The following SCYGR7 variants were observed in gnomAD, a reference collection of about 807,000 sequenced individuals.
SCYGR7 encodes small cysteine and glycine repeat containing 7.
exon 1 of SCYGR7, chr2:227,728,401 T>TGCG (rs1336871815): frequency 4.9e-6 from 2 of 405,014 alleles, no homozygotes; most frequent in Non-Finnish European, 8.6e-6. Flanking sequence ...CGGTGGTGGC[T>TGCG]GCGGTGGTGG....
At chr2:227,728,607 G>A (rs1354262231) in exon 1 of SCYGR7, 5 of 398,950 alleles carry the variant, frequency 1.3e-5, no homozygotes, top group African/African-American at 2.1e-5. Context: ...GCTGCTGCCA[G>A]AAGCAATGCT....
rs34165984 is a variant in SCYGR7 at position 227,728,349 on chromosome 2, T to G, written c.15T>G (p.Gly5=). Residue 5 remains glycine (G), a synonymous_variant, in exon 1 of 1, where the codon GGT becomes GGG. Transcript: ENST00000641700. Reference sequence around the variant, plus strand: ...TTACTGACACCATGGGTTGCTGTGGTTGTGGAAGTTGTGGTGGCTGCGGTG... The same window carrying G: ...TTACTGACACCATGGGTTGCTGTGGGTGTGGAAGTTGTGGTGGCTGCGGTG... 1.7e-4 allele frequency: 68 copies of G among 404,098 alleles called. 1 individual carries two copies. The South Asian group carries it at 7.6e-3, about 45-fold the overall frequency. The allele number at this position is 404,098 out of a possible 1,614,324, so 25.0% of individuals were successfully genotyped here. A position where few individuals can be genotyped will look rare whatever the true frequency, so the allele number is the denominator to read the frequency against.
At chr2:227,728,552 G>A (rs911451976) in exon 1 of SCYGR7, 6 of 399,000 alleles carry the variant, frequency 1.5e-5, no homozygotes, top group Non-Finnish European at 2.7e-5. Context: ...CGCACCTGCG[G>A]CTCATGTGGC....
exon 1 of SCYGR7, chr2:227,728,476 T>C (rs1696590720): frequency 2.5e-6 from 1 of 399,400 alleles, no homozygotes; most frequent in East Asian, 3.6e-5. Context: ...CTGCTCCAGC[T>C]GCTGCCCCTG....
exon 1 of SCYGR7, chr2:227,728,358 T>TTGTGGTGGCTGCGGTGGTGGC (rs1266374911): frequency 2.0e-5 from 8 of 404,100 alleles, no homozygotes; most frequent in African/African-American, 8.2e-5. Context: ...GTTGTGGAAG[T>TTGTGGTGGCTGCGGTGGTGGC]TGTGGTGGCT....
chr2:227,728,451 C>G (rs966803935), exon 1 of SCYGR7: 39 of 399,846 alleles, frequency 9.8e-5, no homozygotes, highest in Middle Eastern at 6.2e-4. Flanking sequence ...CCTGCAGGTG[C>G]TACCGGGTGG....
chr2:227,728,382 TG>T lies in SCYGR7; in HGVS notation c.50del (p.Gly17ValfsTer48). On this transcript the variant is annotated frameshift_variant, in exon 1 of 1. Transcript: ENST00000641700. LOFTEE classifies it low-confidence loss of function (END_TRUNC). Reference sequence around the variant, plus strand: ...GTTGTGGTGGCTGCGGTGGTGGCTGTGGTGGCTGCGGTGGTGGCTGCGGTGG... The same window carrying T: ...GTTGTGGTGGCTGCGGTGGTGGCTGTGTGGCTGCGGTGGTGGCTGCGGTGG... 2.5e-6 allele frequency: 1 copy of T among 401,390 alleles called. No homozygotes were observed. Among genetic ancestry groups the T allele is most frequent in the Non-Finnish European group, 4.3e-6 (1 of 230,440 alleles). The allele number at this position is 401,390 out of a possible 1,614,324, so 24.9% of individuals were successfully genotyped here.
chr2:227,728,542 C>T (rs1323720805), exon 1 of SCYGR7: 15 of 399,100 alleles, frequency 3.8e-5, no homozygotes, highest in Non-Finnish European at 6.2e-5. Flanking sequence ...CTGCTGCCGC[C>T]GCACCTGCGG....
chr2:227,728,486 G>C, exon 1 of SCYGR7: 1 of 399,522 alleles, frequency 2.5e-6, no homozygotes, highest in Non-Finnish European at 4.4e-6. Context: ...TGCTGCCCCT[G>C]CTGCCGCGGC....
exon 1 of SCYGR7, chr2:227,728,496 C>T (rs944250301): frequency 2.6e-4 from 104 of 399,418 alleles, no homozygotes; most frequent in Non-Finnish European, 4.1e-4. Flanking sequence ...GCTGCCGCGG[C>T]TGCTGTGGGG....
At chr2:227,728,533 T>G (rs1282981713) in exon 1 of SCYGR7, 1 of 399,112 alleles carries the variant, frequency 2.5e-6, no homozygotes, top group Non-Finnish European at 4.4e-6. Context: ...TGTGATCTGC[T>G]GCTGCCGCCG....
chr2:227,728,359 TGTG>T (rs1224286259), exon 1 of SCYGR7: 7 of 403,958 alleles, frequency 1.7e-5, no homozygotes, highest in South Asian at 1.2e-4. Context: ...TTGTGGAAGT[TGTG>T]GTGGCTGCGG....
At chr2:227,728,572 G>A (rs918760947) in exon 1 of SCYGR7, 6 of 398,998 alleles carry the variant, frequency 1.5e-5, no homozygotes, top group African/African-American at 1.2e-4. Flanking sequence ...CTGCGGCTGT[G>A]GGAAGGGCTG....
chr2:227,728,525 T>A (rs895626079), exon 1 of SCYGR7: 2 of 399,198 alleles, frequency 5.0e-6, no homozygotes, highest in Non-Finnish European at 8.8e-6. Flanking sequence ...AGCACACCTG[T>A]GATCTGCTGC....
At position 227,728,615 on chromosome 2, in the gene SCYGR7, GC is replaced by G. The variant is rs1314342305; in HGVS notation, c.282del (p.Cys95AlafsTer?). ...CAGAAAGGCTGCTGCCAGAAGCAAT[GC>G]TGCTGCTAGGCGGGCCCCCGGCCTC... is the stretch of plus-strand genomic sequence containing the variant. On this transcript the variant is annotated frameshift_variant, in exon 1 of 1. Coordinates refer to ENST00000641700, the Ensembl canonical transcript of SCYGR7. LOFTEE classifies it high-confidence loss of function. The G allele has an allele frequency of 1.5e-5, 6 of 398,848 alleles. No individual in the cohort carries two copies. The Admixed American group carries it at 2.2e-4, about 15-fold the overall frequency. 24.7% of individuals were successfully genotyped at this position (398,848 alleles called of 1,614,324 possible). A position where few individuals can be genotyped will look rare whatever the true frequency, so the allele number is the denominator to read the frequency against.
At position 227,728,551 on chromosome 2, in the gene SCYGR7, G is replaced by T. The variant is rs191345427; in HGVS notation, c.217G>T (p.Gly73Cys). The T allele has an allele frequency of 6.8e-3, 2,704 of 398,660 alleles. 47 individuals carry two copies. The highest frequency in any genetic ancestry group is 0.045 in the African/African-American group (2,170 of 48,386). The allele number at this position is 398,660 out of a possible 1,614,324, so 24.7% of individuals were successfully genotyped here. Residue 73 changes from glycine to cysteine, a missense_variant, in exon 1 of 1, where the codon GGC becomes TGC. Physicochemically the swap from Gly to Cys is radical, Grantham distance 159. Transcript: ENST00000641700. Reference sequence around the variant, plus strand: ...GATCTGCTGCTGCCGCCGCACCTGCGGCTCATGTGGCTGCGGCTGTGGGAA... The same window carrying T: ...GATCTGCTGCTGCCGCCGCACCTGCTGCTCATGTGGCTGCGGCTGTGGGAA...
chr2:227,728,523 T>C (rs1001403661), exon 1 of SCYGR7: 58 of 399,230 alleles, frequency 1.5e-4, no homozygotes, highest in East Asian at 1.8e-4. Flanking sequence ...GCAGCACACC[T>C]GTGATCTGCT....
In SCYGR7 at chr2:227,728,468, G is replaced by T. The variant is rs1574593440; in HGVS notation, c.134G>T (p.Cys45Phe). The change falls in exon 1 of 1, where the codon TGC (cysteine) becomes TTC (phenylalanine). Residue 45 changes from cysteine to phenylalanine, a missense_variant. By Grantham distance (205) the Cys-to-Phe change is radical (BLOSUM62 -2). Transcript: ENST00000641700. ...TGCAGGTGCTACCGGGTGGGCTGCT[G>T]CTCCAGCTGCTGCCCCTGCTGCCGC... 1.0e-5 allele frequency: 4 copies of T among 399,772 alleles called. No individual in the cohort carries two copies. In the South Asian group the frequency reaches 5.0e-4, roughly 50 times the overall value. 24.8% of individuals were successfully genotyped at this position (399,772 alleles called of 1,614,324 possible).
exon 1 of SCYGR7, chr2:227,728,461 G>A (rs1559266106): frequency 2.5e-5 from 10 of 400,060 alleles, no homozygotes; most frequent in Non-Finnish European, 4.4e-5. Context: ...CTACCGGGTG[G>A]GCTGCTGCTC....
Sources: allele counts gnomAD v4.1 joint callset, GRCh38; gene constraint gnomAD v4.1.1; transcripts MANE v1.5; gene names NCBI Gene and HGNC (gene_info 2026-07-23, HGNC 2026-07-21).